CNIH3: variants seen among roughly 807,000 people sequenced by gnomAD.
CNIH3 encodes the protein protein cornichon homolog 3.
In CNIH3, 14 loss-of-function variants were observed where a neutral mutation model predicts 24.1. The ratio of observed to expected loss-of-function variants is 0.58; its 90% CI spans 0.38 to 0.91. CNIH3 has a LOEUF of 0.91. Among genes scored for constraint, CNIH3 ranks in the 40% least tolerant of loss-of-function variants. The pLI is 0.00. For synonymous variants in CNIH3, 68 were observed against 73.8 expected, an observed-to-expected ratio of 0.92 and a Z score of 0.40; for missense variants, 178 against 196.8, an observed-to-expected ratio of 0.90 and a Z score of 0.57.
chr1:224,731,682 C>T (rs765613344), intron 4 of CNIH3, among the ~76,000 whole-genome samples: 1 of 152,242 alleles, frequency 6.6e-6, no homozygotes, highest in Non-Finnish European at 1.5e-5. Flanking sequence ...AAGGAACGTA[C>T]ATCCTAGTGG....
rs1682337093 is a variant in CNIH3 at position 224,604,576 on chromosome 1, A to G, written n.402+38312A>G. On this transcript the variant is annotated intron_variant and non_coding_transcript_variant, in intron 3 of 7. Coordinates refer to the CNIH3 transcript ENST00000478120. The surrounding 1 kb of genome is among the most constrained non-coding windows in gnomAD (Gnocchi z 4.4). ...GTCCTCAGAGATGTGGTTATGTGGC[A>G]CCAGGGAGGCTGGAGCCAGGGATGG... Among the ~76,000 whole-genome samples, 1 of 152,184 alleles carries G rather than the reference A, an allele frequency of 6.6e-6. No individual in the cohort carries two copies. The highest frequency in any genetic ancestry group is 1.5e-5 in the Non-Finnish European group (1 of 68,030).
At chr1:224,457,651 T>C (rs1675735607) in intron 1 of CNIH3, among the ~76,000 whole-genome samples, 1 of 152,128 alleles carries the variant, frequency 6.6e-6, no homozygotes, top group Non-Finnish European at 1.5e-5. Context: ...CCAGGCACTT[T>C]TCTGTTCTTG....
At chr1:224,519,287 A>G (rs1433344703) in intron 1 of CNIH3, among the ~76,000 whole-genome samples, 2 of 152,134 alleles carry the variant, frequency 1.3e-5, no homozygotes, top group African/African-American at 4.8e-5. Flanking sequence ...GGAAGGGAAA[A>G]CTTGCCTCTT....
Position 224,703,458 on chromosome 1 carries a change from G to A in CNIH3, c.198+18615G>A, listed in dbSNP as rs1242225449. Among the ~76,000 whole-genome samples the A allele has an allele frequency of 6.6e-6, 1 of 152,180 alleles. No homozygotes were observed. Among genetic ancestry groups the A allele is most frequent in the Non-Finnish European group, 1.5e-5 (1 of 68,034 alleles). The stretch of plus-strand genomic sequence containing the variant: ...ATCTCTGGGGTGAGACTCAGCATCA[G>A]TATTTTACAAAGCTCCCCAAGTGAC... On this transcript the variant is annotated intron_variant, in intron 3 of 5. Transcript: ENST00000272133. The surrounding 1 kb of genome is among the most constrained non-coding windows in gnomAD (Gnocchi z 4.2).
At chr1:224,619,602 C>G (rs1683186252) in intron 1 of CNIH3, among the ~76,000 whole-genome samples, 1 of 152,168 alleles carries the variant, frequency 6.6e-6, no homozygotes, top group Non-Finnish European at 1.5e-5. Flanking sequence ...CAGAGACACC[C>G]TGATTTCAGG....
At chr1:224,676,961 T>C (rs1430360463) in intron 1 of CNIH3, among the ~76,000 whole-genome samples, 1 of 152,226 alleles carries the variant, frequency 6.6e-6, no homozygotes, top group Non-Finnish European at 1.5e-5. Flanking sequence ...GTCTTCCGAC[T>C]CCTTATTTAC....
At chr1:224,500,405 T>C (rs4294381) in intron 1 of CNIH3, among the ~76,000 whole-genome samples, 122,212 of 152,096 alleles carry the variant, frequency 0.8, 49,191 homozygotes, top group Middle Eastern at 0.91. Flanking sequence ...GGTGCAACAG[T>C]TCATGCCTGT....
chr1:224,665,056 A>G (rs1458666994), intron 1 of CNIH3, among the ~76,000 whole-genome samples: 2 of 152,124 alleles, frequency 1.3e-5, no homozygotes, highest in East Asian at 3.8e-4. Context: ...TTTCTGATAA[A>G]CCATCTGAAA....
In CNIH3 at chr1:224,684,493, G is replaced by A. The variant is rs1249191924; in HGVS notation, c.151-303G>A. On this transcript the variant is annotated intron_variant, in intron 2 of 5. Coordinates refer to ENST00000272133, the MANE Select transcript of CNIH3 (RefSeq NM_152495.2). This position sits in a 1 kb window ranked among gnomAD's most constrained non-coding sequence, Gnocchi z 4.2. The stretch of plus-strand genomic sequence containing the variant: ...AGTTTGACCACCTTATACGTACATG[G>A]AGGCTGAGAGAGACTTTGTAGATAA... Among the ~76,000 whole-genome samples the A allele has an allele frequency of 6.6e-6, 1 of 152,212 alleles. No individual in the cohort carries two copies. The highest frequency in any genetic ancestry group is 1.9e-4 in the East Asian group (1 of 5,194).
chr1:224,454,174 A>G (rs555654021), intron 1 of CNIH3: 4 of 426,664 alleles, frequency 9.4e-6, no homozygotes, highest in Non-Finnish European at 1.3e-5. Flanking sequence ...TCCCTTACTC[A>G]TGGTTCCTTG....
At chr1:224,588,188 C>T (rs1022068730) in intron 5 of CNIH3, among the ~76,000 whole-genome samples, 1 of 152,082 alleles carries the variant, frequency 6.6e-6, no homozygotes, top group Non-Finnish European at 1.5e-5. Flanking sequence ...TATCTTTTGA[C>T]ATATATTTGG....
chr1:224,439,557 T>C (rs1192600817), intron 1 of CNIH3, among the ~76,000 whole-genome samples: 1 of 151,956 alleles, frequency 6.6e-6, no homozygotes, highest in African/African-American at 2.4e-5. Flanking sequence ...AAAAAAAACA[T>C]TTAACACTCA....
intron 1 of CNIH3, among the ~76,000 whole-genome samples, chr1:224,476,548 T>G (rs947207050): frequency 2.6e-5 from 4 of 152,170 alleles, no homozygotes; most frequent in African/African-American, 4.8e-5. Context: ...CGAGCTGCAC[T>G]TTTTTTGTCT....
At chr1:224,607,651 C>T (rs1682489424) in intron 3 of CNIH3, among the ~76,000 whole-genome samples, 1 of 152,158 alleles carries the variant, frequency 6.6e-6, no homozygotes, top group Admixed American at 6.5e-5. Context: ...TTCATGGTCC[C>T]TTACCTGTAA....
At position 224,690,258 on chromosome 1, in the gene CNIH3, T is replaced by C. The variant is rs572670464; in HGVS notation, c.198+5415T>C. On this transcript the variant is annotated intron_variant, in intron 3 of 5. Coordinates refer to ENST00000272133, the MANE Select transcript of CNIH3 (RefSeq NM_152495.2). ...CTTTGTTGTCCAGGCTAAAGTGCAG[T>C]GGCACGATCTCGGCTCACTGCAACC... is the stretch of plus-strand genomic sequence containing the variant. Among the ~76,000 whole-genome samples, 167 of 152,342 alleles carry C rather than the reference T, an allele frequency of 1.1e-3. 2 individuals are homozygous for C. Among genetic ancestry groups the C allele is most frequent in the African/African-American group, 3.9e-3 (161 of 41,580 alleles).
At chr1:224,597,216 A>G (rs1001854965) in intron 3 of CNIH3, among the ~76,000 whole-genome samples, 1 of 151,906 alleles carries the variant, frequency 6.6e-6, no homozygotes, top group African/African-American at 2.4e-5. Context: ...ACAAAACAGA[A>G]TCTCTAACTG....
chr1:224,591,305 T>C (rs1269854573), downstream of CNIH3, among the ~76,000 whole-genome samples: 1 of 152,192 alleles, frequency 6.6e-6, no homozygotes, highest in African/African-American at 2.4e-5. Context: ...ACTGGCTCCT[T>C]TGTGAAGTGC....
chr1:224,567,390 A>G (rs567320332), intron 4 of CNIH3, among the ~76,000 whole-genome samples: 3 of 152,212 alleles, frequency 2.0e-5, no homozygotes, highest in South Asian at 4.1e-4. Context: ...CCATTTGTCA[A>G]TTTTGGCTTT....
intron 4 of CNIH3, among the ~76,000 whole-genome samples, chr1:224,568,593 CA>C (rs901292519): frequency 1.3e-5 from 2 of 151,828 alleles, no homozygotes; most frequent in Non-Finnish European, 2.9e-5. Context: ...CTCATCTCTA[CA>C]AAAAATAAAT....
Sources: allele counts gnomAD v4.1 joint callset (sites outside exome capture counted in the v4.1 genomes callset), GRCh38; gene constraint gnomAD v4.1.1; non-coding constraint Gnocchi (gnomAD v3.1); transcripts MANE v1.5; gene names NCBI Gene and HGNC (gene_info 2026-07-23, HGNC 2026-07-21).